Variants in GPHN observed in about 807,000 individuals in gnomAD.
GPHN encodes the protein gephyrin.
A neutral mutation model predicts 95.5 loss-of-function variants in GPHN; 17 were observed. The ratio of observed to expected loss-of-function variants is 0.18; its 90% CI spans 0.12 to 0.27. The LOEUF (loss-of-function observed/expected upper bound fraction) is 0.27. Ranked by LOEUF, GPHN falls within the 10% of genes least tolerant of loss-of-function variation. The pLI is 1.00. For missense variants in GPHN, 660 were observed against 978.1 expected, an observed-to-expected ratio of 0.67 and a Z score of 4.34; for synonymous variants, 320 against 322.5, an observed-to-expected ratio of 0.99 and a Z score of 0.08.
At chr14:66,929,141 T>C (rs2066646351) in intron 8 of GPHN, among the ~76,000 whole-genome samples, 1 of 149,708 alleles carries the variant, frequency 6.7e-6, no homozygotes, top group Admixed American at 6.7e-5. Context: ...CTGCAACCTC[T>C]ACCTCCAAGG....
chr14:67,716,260 A>T, the GPHN span, among the ~76,000 whole-genome samples: 1 of 152,040 alleles, frequency 6.6e-6, no homozygotes, highest in Non-Finnish European at 1.5e-5. Flanking sequence ...AACCGCTGTG[A>T]CTGCTGTACA....
the GPHN span, among the ~76,000 whole-genome samples, chr14:67,673,920 T>C: frequency 6.6e-6 from 1 of 152,208 alleles, no homozygotes; most frequent in Non-Finnish European, 1.5e-5. Flanking sequence ...TACCCTCCAA[T>C]AACTGGTATT....
At chr14:67,672,434 TTTCTTTTC>T in the GPHN span, among the ~76,000 whole-genome samples, 2 of 87,314 alleles carry the variant, frequency 2.3e-5, no homozygotes, top group Admixed American at 2.7e-4. Flanking sequence ...TCTACTTTTT[TTTCTTTTC>T]TTTTCTTTTT....
chr14:66,888,786 A>T (rs958417555), intron 5 of GPHN, among the ~76,000 whole-genome samples: 4 of 152,120 alleles, frequency 2.6e-5, no homozygotes, highest in African/African-American at 9.6e-5. Flanking sequence ...AGAGACAGAG[A>T]TTAATGGACT....
chr14:67,332,576 G>C, the GPHN span, among the ~76,000 whole-genome samples: 1 of 152,312 alleles, frequency 6.6e-6, no homozygotes, highest in East Asian at 1.9e-4. Context: ...TTGAGTCCCA[G>C]ATGGTTCATA....
the GPHN span, chr14:67,727,090 C>T: frequency 2.3e-5 from 37 of 1,614,204 alleles, no homozygotes; most frequent in Middle Eastern, 8.3e-4. Context: ...TTCCCTTCCA[C>T]GACCTCCAGA....
the GPHN span, chr14:67,571,714 C>A: frequency 3.1e-6 from 5 of 1,600,294 alleles, no homozygotes; most frequent in Middle Eastern, 5.0e-4. Flanking sequence ...GACTGTTTTG[C>A]AGCCTGAGCT....
At chr14:67,431,985 A>C in the GPHN span, among the ~76,000 whole-genome samples, 1 of 152,160 alleles carries the variant, frequency 6.6e-6, no homozygotes, top group African/African-American at 2.4e-5. Context: ...CACAGTGATT[A>C]CCCTTAAATT....
the GPHN span, among the ~76,000 whole-genome samples, chr14:67,477,923 A>G: frequency 2.6e-4 from 39 of 152,262 alleles, no homozygotes; most frequent in African/African-American, 8.4e-4. Flanking sequence ...CCACCCTAAC[A>G]TGAGTTCCTG....
At chr14:66,997,292 G>A (rs559947546) in intron 9 of GPHN, among the ~76,000 whole-genome samples, 44 of 151,110 alleles carry the variant, frequency 2.9e-4, no homozygotes, top group East Asian at 2.0e-4. Context: ...ACTTGAACCC[G>A]GGAGGCAGAG....
chr14:67,285,389 C>T, the GPHN span, among the ~76,000 whole-genome samples: 9 of 128,482 alleles, frequency 7.0e-5, no homozygotes, highest in African/African-American at 2.7e-4. Flanking sequence ...TTTTTTGAGA[C>T]GGAGTCTCGC....
chr14:67,457,019 A>G, the GPHN span, among the ~76,000 whole-genome samples: 132 of 152,376 alleles, frequency 8.7e-4, no homozygotes, highest in African/African-American at 3.1e-3. Flanking sequence ...GAGTGAATTA[A>G]TGCCGAAACA....
chr14:67,577,263 A>G, the GPHN span: 1 of 1,322,830 alleles, frequency 7.6e-7, no homozygotes, highest in Non-Finnish European at 1.1e-6. Flanking sequence ...CCCTCTCAGT[A>G]GTAACTGCCC....
At chr14:66,834,013 ACTT>A (rs2061689826) in intron 4 of GPHN, among the ~76,000 whole-genome samples, 1 of 152,086 alleles carries the variant, frequency 6.6e-6, no homozygotes, top group African/African-American at 2.4e-5. Flanking sequence ...TTCAACCATC[ACTT>A]CTTCTATCGA....
At chr14:66,562,964 G>T (rs2060326375) in intron 1 of GPHN, among the ~76,000 whole-genome samples, 2 of 151,878 alleles carry the variant, frequency 1.3e-5, no homozygotes, top group African/African-American at 4.8e-5. Context: ...CGTATTTTGG[G>T]GTGGCATACT....
At chr14:67,730,349 G>A in the GPHN span, among the ~76,000 whole-genome samples, 1 of 152,172 alleles carries the variant, frequency 6.6e-6, no homozygotes, top group East Asian at 1.9e-4. Flanking sequence ...GGCTAGTCCA[G>A]ATTGAGATGC....
At chr14:66,607,975 A>G (rs1367274544) in intron 1 of GPHN, among the ~76,000 whole-genome samples, 5 of 144,736 alleles carry the variant, frequency 3.5e-5, no homozygotes, top group Non-Finnish European at 1.5e-5. Context: ...TTTTGTATGG[A>G]TTTTTGTGTC....
chr14:67,620,441 G>A, the GPHN span, among the ~76,000 whole-genome samples: 2 of 152,266 alleles, frequency 1.3e-5, no homozygotes, highest in East Asian at 3.9e-4. Flanking sequence ...AAACTGGTCA[G>A]AATCCCCAGT....
the GPHN span, chr14:67,392,402 C>A: frequency 6.2e-7 from 1 of 1,613,718 alleles, no homozygotes; most frequent in Non-Finnish European, 8.5e-7. Flanking sequence ...TTCCTTGGGG[C>A]TTATCTTCTT....
Sources: allele counts gnomAD v4.1 joint callset (sites outside exome capture counted in the v4.1 genomes callset), GRCh38; gene constraint gnomAD v4.1.1; transcripts MANE v1.5; gene names NCBI Gene and HGNC (gene_info 2026-07-23, HGNC 2026-07-21).